TBC1D32: variants seen among roughly 807,000 people sequenced by gnomAD.
TBC1D32 encodes TBC1 domain family member 32.
A neutral mutation model predicts 170.3 loss-of-function variants in TBC1D32; 151 were observed. The observed-to-expected ratio is 0.89, with a 90% CI of 0.78 to 1.01. TBC1D32 has a LOEUF of 1.01. TBC1D32 is among the 50% of genes least tolerant of loss of function. The pLI is 0.00. For missense variants in TBC1D32, 1,464 were observed against 1,457.1 expected (o/e 1.00, Z -0.08); for synonymous variants, 498 against 488.0 (o/e 1.02, Z -0.27).
chr6:121,299,311 A>G, intron 10 of TBC1D32, 135 bp downstream of exon 10: 1 of 920,858 alleles, frequency 1.1e-6, no homozygotes, highest in South Asian at 1.7e-5. Context: ...ATGGTAGTTT[A>G]AGATCACATA....
At chr6:121,092,295 T>G (rs926466813) in intron 30 of TBC1D32, among the ~76,000 whole-genome samples, 3 of 60,550 alleles carry the variant, frequency 5.0e-5, no homozygotes, top group African/African-American at 3.0e-4. Flanking sequence ...AGTTTTATGT[T>G]TTTTTTTTTT....
chr6:121,255,644 C>T lies in TBC1D32; in HGVS notation c.1936-234G>A, dbSNP rs560492625. Among the ~76,000 whole-genome samples the T allele has an allele frequency of 5.3e-5, 8 of 151,670 alleles. No individual in the cohort carries two copies. In the South Asian group the frequency reaches 1.7e-3, roughly 32 times the overall value. On this transcript the variant is annotated intron_variant, in intron 16 of 31. Coordinates refer to ENST00000398212, the MANE Select transcript of TBC1D32 (RefSeq NM_152730.6). ...AATTATTTGGTTGTTAATGAAATAT[C>T]ATATAACATATTTTACAAATAAACC...
intron 14 of TBC1D32, among the ~76,000 whole-genome samples, chr6:121,280,889 T>A (rs1363483651): frequency 1.3e-5 from 2 of 151,806 alleles, no homozygotes; most frequent in East Asian, 1.9e-4. Flanking sequence ...AACCTATTGA[T>A]AAGCCTTAAA....
intron 2 of TBC1D32, 113 bp downstream of exon 2, chr6:121,321,520 G>T: frequency 9.8e-7 from 1 of 1,024,716 alleles, no homozygotes; most frequent in Non-Finnish European, 1.4e-6. Flanking sequence ...TTGTTTTAAA[G>T]AATCATTCTG....
intron 1 of TBC1D32, among the ~76,000 whole-genome samples, chr6:121,325,647 G>GT (rs1366643781): frequency 1.3e-5 from 2 of 152,118 alleles, no homozygotes; most frequent in African/African-American, 2.4e-5. Context: ...AGACTTAAAC[G>GT]TAAGACCTAA....
intron 26 of TBC1D32, among the ~76,000 whole-genome samples, chr6:121,119,023 A>G (rs1779979163): frequency 6.6e-6 from 1 of 152,070 alleles, no homozygotes; most frequent in Admixed American, 6.6e-5. Flanking sequence ...CTAATATCCC[A>G]GGAGGCAGCA....
intron 22 of TBC1D32, among the ~76,000 whole-genome samples, chr6:121,162,000 C>T (rs28877073): frequency 0.39 from 59,232 of 152,052 alleles, 14,682 homozygotes; most frequent in Non-Finnish European, 0.56. Context: ...AGCATCTGTT[C>T]ATGTCCTTTG....
intron 10 of TBC1D32, among the ~76,000 whole-genome samples, chr6:121,296,293 T>A (rs1442423767): frequency 1.3e-5 from 2 of 152,130 alleles, no homozygotes; most frequent in Non-Finnish European, 2.9e-5. Flanking sequence ...GCTGAGAGCA[T>A]AACTATATGC....
chr6:121,125,178 C>T (rs1780692710), intron 26 of TBC1D32, among the ~76,000 whole-genome samples: 1 of 152,158 alleles, frequency 6.6e-6, no homozygotes, highest in African/African-American at 2.4e-5. Context: ...TCTAGAGGGC[C>T]TTCCAGGGAT....
At chr6:121,084,936 T>C (rs916530809) in intron 31 of TBC1D32, among the ~76,000 whole-genome samples, 1 of 151,962 alleles carries the variant, frequency 6.6e-6, no homozygotes, top group Non-Finnish European at 1.5e-5. Flanking sequence ...TAGCTCTTTA[T>C]AAATTACAGA....
intron 30 of TBC1D32, among the ~76,000 whole-genome samples, chr6:121,101,402 C>A (rs185018285): frequency 6.6e-6 from 1 of 152,068 alleles, no homozygotes; most frequent in Non-Finnish European, 1.5e-5. Context: ...ATCAAGTGGG[C>A]TTCATCCATG....
intron 3 of TBC1D32, among the ~76,000 whole-genome samples, chr6:121,316,865 C>A (rs1328890076): frequency 6.6e-6 from 1 of 152,098 alleles, no homozygotes; most frequent in African/African-American, 2.4e-5. Context: ...CAGGGTCAGA[C>A]AGGCTTCTTT....
At chr6:121,242,068 G>T in intron 18 of TBC1D32, 133 bp downstream of exon 18, 1 of 863,376 alleles carries the variant, frequency 1.2e-6, no homozygotes, top group Non-Finnish European at 1.7e-6. Flanking sequence ...AAATCAAGTT[G>T]ACTATTACAA....
chr6:121,160,845 T>A (rs182501092), intron 23 of TBC1D32, 103 bp downstream of exon 23: 1 of 812,218 alleles, frequency 1.2e-6, no homozygotes, highest in Admixed American at 2.0e-5. Flanking sequence ...AACTCTGTGA[T>A]GTAGACATTT....
chr6:121,185,689 A>G (rs1789111329), intron 22 of TBC1D32, among the ~76,000 whole-genome samples: 1 of 152,038 alleles, frequency 6.6e-6, no homozygotes, highest in African/African-American at 2.4e-5. Context: ...AAAACTTCAC[A>G]TCCTTGGCTA....
intron 15 of TBC1D32, among the ~76,000 whole-genome samples, chr6:121,264,272 C>T (rs1800155622): frequency 6.6e-6 from 1 of 152,084 alleles, no homozygotes; most frequent in Non-Finnish European, 1.5e-5. Flanking sequence ...CAGAGTCAAA[C>T]TACCATCAGA....
At position 121,211,131 on chromosome 6, in the gene TBC1D32, C is replaced by CTATT. The variant is rs1052794814; in HGVS notation, c.2482-5972_2482-5969dup. Among the ~76,000 whole-genome samples the CTATT allele has an allele frequency of 4.0e-5, 6 of 151,610 alleles. No homozygotes were observed. The South Asian group carries it at 1.3e-3, about 32-fold the overall frequency. The stretch of plus-strand genomic sequence containing the variant: ...AACTCTAGCACATCCACATAATGGA[C>CTATT]TATTATGCAACTGTGGGCGGGGCGG... On this transcript the variant is annotated intron_variant, in intron 21 of 31. Coordinates refer to ENST00000398212, the MANE Select transcript of TBC1D32 (RefSeq NM_152730.6).
At chr6:121,115,031 CAA>C (rs1457573871) in intron 27 of TBC1D32, 139 bp downstream of exon 27, 17 of 534,286 alleles carry the variant, frequency 3.2e-5, no homozygotes, top group Non-Finnish European at 5.1e-5. Flanking sequence ...TCCTCAAAAA[CAA>C]AGTCATTTTC....
At chr6:121,188,589 C>T (rs1185306281) in intron 22 of TBC1D32, among the ~76,000 whole-genome samples, 3 of 151,848 alleles carry the variant, frequency 2.0e-5, no homozygotes, top group South Asian at 2.1e-4. Flanking sequence ...ATAGTGTAAG[C>T]GTGTTATTTT....
Sources: gnomAD v4.1 joint callset for allele counts (sites outside exome capture counted in the v4.1 genomes callset) on GRCh38, gnomAD v4.1.1 for gene constraint, MANE v1.5 for transcripts, NCBI Gene and HGNC (gene_info 2026-07-23, HGNC 2026-07-21) for gene names.